The following PPP2R5A variants were observed in gnomAD, a reference collection of about 807,000 sequenced individuals.
The protein encoded by PPP2R5A is protein phosphatase 2 regulatory subunit B'alpha.
A neutral mutation model predicts 64.2 loss-of-function variants in PPP2R5A; 25 were observed. That is an observed-to-expected ratio of 0.39 (90% CI 0.28 to 0.54). PPP2R5A has a LOEUF of 0.54. PPP2R5A is among the 20% of genes least tolerant of loss of function. The probability of loss-of-function intolerance (pLI) is 0.67; values close to 1 mark genes in which losing one functional copy is unlikely to be tolerated. For missense variants in PPP2R5A, 425 were observed against 576.3 expected, an observed-to-expected ratio of 0.74 and a Z score of 2.69; for synonymous variants, 198 against 201.2, an observed-to-expected ratio of 0.98 and a Z score of 0.13.
chr1:212,288,458 A>G (rs1049428014), intron 1 of PPP2R5A, among the ~76,000 whole-genome samples: 1 of 152,226 alleles, frequency 6.6e-6, no homozygotes, highest in Non-Finnish European at 1.5e-5. Flanking sequence ...CTTTACATTA[A>G]TTGTAGATAT....
At chr1:212,331,584 A>G (rs1274659863) in intron 2 of PPP2R5A, 1 of 152,208 alleles carries the variant, frequency 6.6e-6, no homozygotes, top group Non-Finnish European at 1.5e-5. Context: ...CTAAATATTG[A>G]TGGACTTCTT....
chr1:212,331,573 A>T (rs777351439), intron 2 of PPP2R5A: 1 of 152,162 alleles, frequency 6.6e-6, no homozygotes, highest in Non-Finnish European at 1.5e-5. Context: ...GAACATAAAT[A>T]CTAAATATTG....
intron 8 of PPP2R5A, chr1:212,352,886 T>G (rs751763772): frequency 1.9e-6 from 1 of 519,214 alleles, no homozygotes; most frequent in Non-Finnish European, 3.8e-6. Context: ...AGAGTGACAG[T>G]TTTCCTTGAT....
chr1:212,360,891 A>G lies in PPP2R5A; in HGVS notation c.*121A>G. ...ATTAAAAGGCCAATTTTTTCTGGCAACTGTAAATGGAAAAATATATGGACT... is the reference window on the plus strand; with the variant it reads ...ATTAAAAGGCCAATTTTTTCTGGCAGCTGTAAATGGAAAAATATATGGACT... On this transcript the variant is annotated 3_prime_UTR_variant, in exon 13 of 13. Transcript: ENST00000261461. The G allele has an allele frequency of 1.0e-6, 1 of 956,724 alleles. No individual in the cohort carries two copies. Among genetic ancestry groups the G allele is most frequent in the Non-Finnish European group, 1.4e-6 (1 of 697,586 alleles). 59.3% of individuals were successfully genotyped at this position (956,724 alleles called of 1,614,324 possible).
At chr1:212,288,136 C>T (rs1484456186) in intron 1 of PPP2R5A, among the ~76,000 whole-genome samples, 1 of 152,170 alleles carries the variant, frequency 6.6e-6, no homozygotes, top group Non-Finnish European at 1.5e-5. Context: ...TCTGCCTCAG[C>T]CTCCCAACTA....
intron 1 of PPP2R5A, among the ~76,000 whole-genome samples, chr1:212,320,124 G>A (rs1321693580): frequency 6.6e-6 from 1 of 151,636 alleles, no homozygotes; most frequent in South Asian, 2.1e-4. Flanking sequence ...CTGGGTACTT[G>A]AGATTAGGGA....
At chr1:212,343,872 T>G (rs946514673) in intron 4 of PPP2R5A, among the ~76,000 whole-genome samples, 4 of 152,180 alleles carry the variant, frequency 2.6e-5, no homozygotes, top group Admixed American at 2.6e-4. Context: ...CTGTATTATT[T>G]TGTGGTGTGA....
In PPP2R5A at chr1:212,329,045, A is replaced by G. The variant is rs1476929666; in HGVS notation, c.182-90A>G. ...ACTAGATTTTTGGAAGAAGTTTTAC[A>G]TATGTGAATAGCTTCTACAAAATTA... On this transcript the variant is annotated intron_variant, in intron 1 of 12. Transcript: ENST00000261461. 1.2e-5 allele frequency: 12 copies of G among 977,524 alleles called. No homozygotes were observed. In the Admixed American group the frequency reaches 4.1e-4, roughly 33 times the overall value. 60.6% of individuals were successfully genotyped at this position (977,524 alleles called of 1,614,324 possible). A position where few individuals can be genotyped will look rare whatever the true frequency, so the allele number is the denominator to read the frequency against.
intron 1 of PPP2R5A, chr1:212,309,011 A>C: frequency 1.4e-6 from 1 of 711,650 alleles, no homozygotes; most frequent in Non-Finnish European, 2.5e-6. Flanking sequence ...TTTATGGTGA[A>C]AAGATATATA....
At chr1:212,304,559 C>CA (rs1184766757) in intron 1 of PPP2R5A, among the ~76,000 whole-genome samples, 5 of 151,404 alleles carry the variant, frequency 3.3e-5, no homozygotes, top group African/African-American at 1.2e-4. Flanking sequence ...CAAAAACAAA[C>CA]AAAAAAAGAG....
At chr1:212,311,243 C>T (rs943056726) in intron 1 of PPP2R5A, among the ~76,000 whole-genome samples, 4 of 152,038 alleles carry the variant, frequency 2.6e-5, no homozygotes, top group African/African-American at 7.2e-5. Flanking sequence ...CTGAGGCAGG[C>T]GGATCACGAG....
Position 212,286,236 on chromosome 1 carries a change from G to T in PPP2R5A, c.126G>T (p.Ser42=), listed in dbSNP as rs146033779. ...GGCAGAAGCGCTCCCAGGGCTCGTC[G>T]CAGTTTCGCAGCCAGGGCAGCCAGG... is the stretch of plus-strand genomic sequence containing the variant. ...AQRQKRSQGS[S]QFRSQGSQAE... is the part of the protein sequence containing the mutation. Residue 42 remains serine (S), a synonymous_variant, in exon 1 of 13, where the codon TCG becomes TCT. Coordinates refer to ENST00000261461, the MANE Select transcript of PPP2R5A (RefSeq NM_006243.4). The T allele has an allele frequency of 6.4e-7, 1 of 1,558,450 alleles. No individual in the cohort carries two copies. Among genetic ancestry groups the T allele is most frequent in the Non-Finnish European group, 8.7e-7 (1 of 1,153,780 alleles).
chr1:212,330,580 T>G (rs1659486409), intron 2 of PPP2R5A, among the ~76,000 whole-genome samples: 1 of 151,664 alleles, frequency 6.6e-6, no homozygotes, highest in Admixed American at 6.6e-5. Flanking sequence ...CCAGTTGGAC[T>G]AATTAGAGAG....
At chr1:212,299,427 A>G (rs1372403742) in intron 1 of PPP2R5A, 1 of 152,216 alleles carries the variant, frequency 6.6e-6, no homozygotes, top group Non-Finnish European at 1.5e-5. Flanking sequence ...TTCTTTTGGA[A>G]ATGTTGGGTA....
intron 1 of PPP2R5A, among the ~76,000 whole-genome samples, chr1:212,312,261 G>A (rs1659053157): frequency 2.6e-5 from 4 of 152,176 alleles, no homozygotes; most frequent in Admixed American, 2.0e-4. Context: ...CTAAGTTTGT[G>A]TAAAACATTC....
intron 8 of PPP2R5A, among the ~76,000 whole-genome samples, chr1:212,351,117 A>C (rs1204665141): frequency 4.0e-5 from 6 of 151,818 alleles, no homozygotes; most frequent in Admixed American, 1.3e-4. Flanking sequence ...AAAAAAACAA[A>C]AAAACAAAAA....
At chr1:212,327,086 A>ACG (rs1441711462) in intron 1 of PPP2R5A, among the ~76,000 whole-genome samples, 18 of 152,216 alleles carry the variant, frequency 1.2e-4, no homozygotes, top group Admixed American at 9.2e-4. Flanking sequence ...GCCCTGGAGT[A>ACG]ATTACGAAGC....
At chr1:212,331,259 C>T (rs2102434140) in intron 2 of PPP2R5A, among the ~76,000 whole-genome samples, 1 of 151,634 alleles carries the variant, frequency 6.6e-6, no homozygotes, top group South Asian at 2.1e-4. Flanking sequence ...CTCCTGGGCA[C>T]AAGCTGTCCT....
intron 1 of PPP2R5A, among the ~76,000 whole-genome samples, chr1:212,301,487 G>A (rs988044490): frequency 6.6e-6 from 1 of 152,126 alleles, no homozygotes; most frequent in African/African-American, 2.4e-5. Flanking sequence ...CTGGCAGTGC[G>A]TATGTGTTCT....
Sources: gnomAD v4.1 joint callset for allele counts (sites outside exome capture counted in the v4.1 genomes callset) on GRCh38, gnomAD v4.1.1 for gene constraint, MANE v1.5 for transcripts, NCBI Gene and HGNC (gene_info 2026-07-23, HGNC 2026-07-21) for gene names.